CNTNAP4: variants seen among roughly 807,000 people sequenced by gnomAD.
CNTNAP4 encodes contactin-associated protein-like 4.
In CNTNAP4, 98 loss-of-function variants were observed where a neutral mutation model predicts 148.4. The ratio of observed to expected loss-of-function variants is 0.66; its 90% CI spans 0.56 to 0.78. CNTNAP4 has a LOEUF of 0.78. Ranked by LOEUF, CNTNAP4 falls within the 30% of genes least tolerant of loss-of-function variation. The probability of loss-of-function intolerance (pLI) is 0.00; values close to 1 mark genes in which losing one functional copy is unlikely to be tolerated. For missense variants in CNTNAP4, 1,935 were observed against 1,565.6 expected (o/e 1.24, Z -3.98); for synonymous variants, 730 against 565.1 (o/e 1.29, Z -4.14).
At chr16:76,323,250 C>CA (rs1962615937) in intron 2 of CNTNAP4, among the ~76,000 whole-genome samples, 1 of 151,170 alleles carries the variant, frequency 6.6e-6, no homozygotes, top group Non-Finnish European at 1.5e-5. Flanking sequence ...TATCCTTAGT[C>CA]AAAATCTGTG....
chr16:76,489,317 C>T (rs1003576534), intron 12 of CNTNAP4, among the ~76,000 whole-genome samples: 18 of 151,664 alleles, frequency 1.2e-4, no homozygotes, highest in African/African-American at 4.4e-4. Flanking sequence ...TCCTTTCTTG[C>T]AGAGAAATAA....
chr16:76,513,628 A>C (rs2083115984), intron 15 of CNTNAP4, among the ~76,000 whole-genome samples: 1 of 152,224 alleles, frequency 6.6e-6, no homozygotes, highest in African/African-American at 2.4e-5. Flanking sequence ...AATATTCAAC[A>C]TGCCAGATTA....
chr16:76,464,223 T>C (rs1319973475), intron 9 of CNTNAP4, among the ~76,000 whole-genome samples: 1 of 151,972 alleles, frequency 6.6e-6, no homozygotes, highest in Non-Finnish European at 1.5e-5. Flanking sequence ...ATCCTGGGAG[T>C]GAACTAGAGG....
intron 3 of CNTNAP4, among the ~76,000 whole-genome samples, chr16:76,425,293 A>G (rs4302072): frequency 0.42 from 63,784 of 151,972 alleles, 13,693 homozygotes; most frequent in Middle Eastern, 0.49. Flanking sequence ...ATACATTGCA[A>G]TTTGCACATT....
At chr16:76,451,075 C>A (rs1319069577) in intron 7 of CNTNAP4, among the ~76,000 whole-genome samples, 1 of 152,182 alleles carries the variant, frequency 6.6e-6, no homozygotes, top group Non-Finnish European at 1.5e-5. Context: ...CAGCGATGGG[C>A]CTGGGCTTGC....
At chr16:76,432,953 C>A (rs371723656) in intron 4 of CNTNAP4, among the ~76,000 whole-genome samples, 7 of 152,066 alleles carry the variant, frequency 4.6e-5, no homozygotes, top group Admixed American at 3.9e-4. Flanking sequence ...ACGTACCCAC[C>A]AGCCTTCATT....
chr16:76,491,594 T>C (rs974567845), intron 13 of CNTNAP4, among the ~76,000 whole-genome samples: 4 of 152,198 alleles, frequency 2.6e-5, no homozygotes, highest in Non-Finnish European at 4.4e-5. Context: ...TTGGTGAATA[T>C]TCATCTTAGA....
intron 2 of CNTNAP4, among the ~76,000 whole-genome samples, chr16:76,347,828 G>A (rs1965036218): frequency 6.6e-6 from 1 of 152,104 alleles, no homozygotes; most frequent in South Asian, 2.1e-4. Context: ...AGAGAAGGTA[G>A]AGATGATATG....
intron 20 of CNTNAP4, among the ~76,000 whole-genome samples, chr16:76,540,144 G>C (rs2144285638): frequency 6.6e-6 from 1 of 152,220 alleles, no homozygotes; most frequent in East Asian, 1.9e-4. Flanking sequence ...AATGAAACCG[G>C]TTTACTTTAG....
At chr16:76,413,693 G>A (rs1259370173) in intron 3 of CNTNAP4, among the ~76,000 whole-genome samples, 2 of 151,034 alleles carry the variant, frequency 1.3e-5, no homozygotes, top group Non-Finnish European at 3.0e-5. Flanking sequence ...TTTGAATTTG[G>A]TAGAATCTAT....
intron 2 of CNTNAP4, among the ~76,000 whole-genome samples, chr16:76,321,354 A>G (rs969573515): frequency 6.6e-6 from 1 of 152,220 alleles, no homozygotes; most frequent in Non-Finnish European, 1.5e-5. Flanking sequence ...CTTTGCAAAC[A>G]ACTATTATGC....
chr16:76,356,700 C>T lies in CNTNAP4; in HGVS notation c.390+1189C>T, dbSNP rs139490999. ...AGAGAAAATGGGTTACTTAATGAAG[C>T]GTCATTCTTAGCACACAGATAATTT... On this transcript the variant is annotated intron_variant, in intron 3 of 23. Coordinates refer to ENST00000611870, the MANE Select transcript of CNTNAP4 (RefSeq NM_033401.5). Among the ~76,000 whole-genome samples the T allele has an allele frequency of 1.4e-4, 21 of 152,240 alleles. 2 individuals carry two copies. The highest frequency in any genetic ancestry group is 5.1e-4 in the African/African-American group (21 of 41,542).
intron 17 of CNTNAP4, 41 bp downstream of exon 17, chr16:76,522,298 G>C: frequency 6.4e-7 from 1 of 1,550,554 alleles, no homozygotes; most frequent in Non-Finnish European, 8.9e-7. Flanking sequence ...TGTATGATAT[G>C]TGTTCAGAAA....
At chr16:76,499,033 A>C (rs2082520979) in intron 15 of CNTNAP4, among the ~76,000 whole-genome samples, 1 of 151,494 alleles carries the variant, frequency 6.6e-6, no homozygotes, top group Non-Finnish European at 1.5e-5. Context: ...TTAAATGGTA[A>C]AAATTTCAAA....
chr16:76,522,666 C>A lies in CNTNAP4; in HGVS notation c.2755+409C>A, dbSNP rs1175346608. Among the ~76,000 whole-genome samples, 9 of 83,156 alleles carry A rather than the reference C, an allele frequency of 1.1e-4. 1 individual carries two copies. In the East Asian group the frequency reaches 2.7e-3, roughly 25 times the overall value. The allele number at this position is 83,156 out of a possible 152,430, so 54.6% of individuals were successfully genotyped here. A position where few individuals can be genotyped will look rare whatever the true frequency, so the allele number is the denominator to read the frequency against. On this transcript the variant is annotated intron_variant, in intron 17 of 23. Coordinates refer to ENST00000611870, the MANE Select transcript of CNTNAP4 (RefSeq NM_033401.5). ...CTTTCTTTTCTCTCTTTCTCTCTTT[C>A]CTTCTTTCTCTCTTTCTCTCCTTTC...
chr16:76,396,845 C>G (rs139681953), intron 3 of CNTNAP4, among the ~76,000 whole-genome samples: 5 of 152,318 alleles, frequency 3.3e-5, no homozygotes, highest in Admixed American at 3.3e-4. Flanking sequence ...TCTCAGAAGT[C>G]TGGTAGCTTG....
intron 1 of CNTNAP4, among the ~76,000 whole-genome samples, chr16:76,298,618 C>T (rs556028009): frequency 4.0e-5 from 6 of 151,674 alleles, no homozygotes; most frequent in African/African-American, 1.2e-4. Context: ...GAAATGAAAG[C>T]AGAAAGCCAA....
At chr16:76,516,094 C>A (rs1438844027) in intron 15 of CNTNAP4, among the ~76,000 whole-genome samples, 2 of 128,596 alleles carry the variant, frequency 1.6e-5, no homozygotes, top group African/African-American at 2.8e-5. Context: ...CCTCCCCTTG[C>A]CCCCCACCCC....
chr16:76,344,953 A>T (rs1372762054), intron 2 of CNTNAP4, among the ~76,000 whole-genome samples: 1 of 152,228 alleles, frequency 6.6e-6, no homozygotes, highest in Non-Finnish European at 1.5e-5. Context: ...AGTGACTACC[A>T]CAAGATTGTT....
Sources: gnomAD v4.1 joint callset for allele counts (sites outside exome capture counted in the v4.1 genomes callset) on GRCh38, gnomAD v4.1.1 for gene constraint, MANE v1.5 for transcripts, NCBI Gene and HGNC (gene_info 2026-07-23, HGNC 2026-07-21) for gene names.